Variants in CECR2 observed in about 807,000 individuals in gnomAD.
The protein encoded by CECR2 is CECR2 histone acetyl-lysine reader, also known as chromatin remodeling regulator CECR2.
Under a neutral mutation model 154.5 loss-of-function variants are expected in CECR2, and 30 were observed. The observed-to-expected ratio is 0.19, with a 90% confidence interval of 0.15 to 0.26. The LOEUF is 0.26. Among genes scored for constraint, CECR2 ranks in the 10% least tolerant of loss-of-function variants. The pLI, the probability that CECR2 is intolerant of heterozygous loss-of-function variation, is 1.00. For missense variants in CECR2, 1,743 were observed against 1,829.3 expected (o/e 0.95, Z 0.86); for synonymous variants, 725 against 683.7 (o/e 1.06, Z -0.94).
chr22:17,402,202 T>G (rs939651689), intron 1 of CECR2, among the ~76,000 whole-genome samples: 1 of 152,002 alleles, frequency 6.6e-6, no homozygotes, highest in Non-Finnish European at 1.5e-5. Flanking sequence ...CCAGGCTGGT[T>G]TCGAACTCCC....
At chr22:17,400,732 G>C (rs1375360238) in intron 1 of CECR2, among the ~76,000 whole-genome samples, 1 of 152,108 alleles carries the variant, frequency 6.6e-6, no homozygotes, top group Non-Finnish European at 1.5e-5. Flanking sequence ...TGTATAGTTT[G>C]TTGGCAGGAT....
chr22:17,505,099 A>G (rs1374651198), intron 7 of CECR2, 83 bp downstream of exon 7: 8 of 1,332,220 alleles, frequency 6.0e-6, no homozygotes, highest in Middle Eastern at 2.0e-4. Flanking sequence ...GACCTTCCCC[A>G]TACACCCCAC....
chr22:17,362,303 G>A (rs554381033), intron 1 of CECR2, among the ~76,000 whole-genome samples: 4 of 152,128 alleles, frequency 2.6e-5, no homozygotes, highest in East Asian at 3.9e-4. Context: ...CTCGGCCTCC[G>A]AAAGTGCTAG....
chr22:17,374,429 A>C (rs949274981), intron 1 of CECR2, among the ~76,000 whole-genome samples: 1 of 152,218 alleles, frequency 6.6e-6, no homozygotes, highest in African/African-American at 2.4e-5. Flanking sequence ...TACATCCATC[A>C]TATCAGTGGT....
chr22:17,509,994 T>C (rs1429242328), intron 7 of CECR2, among the ~76,000 whole-genome samples: 1 of 152,214 alleles, frequency 6.6e-6, no homozygotes, highest in Non-Finnish European at 1.5e-5. Context: ...TTTTGTTTGT[T>C]TAAATAAAAG....
At chr22:17,519,400 C>T (rs1293874584) in intron 8 of CECR2, among the ~76,000 whole-genome samples, 1 of 151,270 alleles carries the variant, frequency 6.6e-6, no homozygotes, top group African/African-American at 2.4e-5. Flanking sequence ...GCTGGGACTA[C>T]AGGCGCCCGC....
chr22:17,394,627 AT>A (rs1359572953), intron 1 of CECR2, among the ~76,000 whole-genome samples: 2 of 151,964 alleles, frequency 1.3e-5, no homozygotes, highest in Non-Finnish European at 2.9e-5. Flanking sequence ...TTTCAGGATT[AT>A]TTTGGCTGTT....
chr22:17,506,423 G>GCT (rs2055846122), intron 7 of CECR2, among the ~76,000 whole-genome samples: 1 of 152,122 alleles, frequency 6.6e-6, no homozygotes. Flanking sequence ...CACCACACCT[G>GCT]GCCCCCTCTC....
At chr22:17,361,764 G>A (rs2146419623) in intron 1 of CECR2, among the ~76,000 whole-genome samples, 1 of 151,590 alleles carries the variant, frequency 6.6e-6, no homozygotes, top group East Asian at 1.9e-4. Context: ...AAAAAAAAGA[G>A]AGAGAGAGTG....
intron 2 of CECR2, among the ~76,000 whole-genome samples, chr22:17,480,663 A>G (rs1335665149): frequency 6.6e-6 from 1 of 152,178 alleles, no homozygotes; most frequent in Non-Finnish European, 1.5e-5. Context: ...CTTTGATCTC[A>G]TTCTAAAGAA....
intron 1 of CECR2, among the ~76,000 whole-genome samples, chr22:17,422,193 T>TGTTTTG (rs1382236049): frequency 6.6e-6 from 1 of 152,134 alleles, no homozygotes; most frequent in Non-Finnish European, 1.5e-5. Flanking sequence ...AGAGTAGTTT[T>TGTTTTG]GTTTTGTTTT....
At chr22:17,516,455 G>A (rs945091548) in intron 8 of CECR2, among the ~76,000 whole-genome samples, 21 of 152,130 alleles carry the variant, frequency 1.4e-4, no homozygotes, top group Non-Finnish European at 2.9e-4. Flanking sequence ...ATATGGTTTG[G>A]CTCTGTGTCC....
In CECR2 at chr22:17,555,669, A is replaced by C. The variant is rs1193079406; in HGVS notation, c.*2829A>C. The C allele has an allele frequency of 6.6e-6, 1 of 152,186 alleles. No homozygotes were observed. Among genetic ancestry groups the C allele is most frequent in the Non-Finnish European group, 1.5e-5 (1 of 68,036 alleles). 9.4% of individuals were successfully genotyped at this position (152,186 alleles called of 1,614,324 possible). A position where few individuals can be genotyped will look rare whatever the true frequency, so the allele number is the denominator to read the frequency against. ...TGCAAATGCATTTGCCATCTTCTCC[A>C]TTAGGAAAATGATGGTTATGTGATA... On this transcript the variant is annotated 3_prime_UTR_variant, in exon 19 of 19. Coordinates refer to ENST00000262608, the MANE Select transcript of CECR2 (RefSeq NM_001290047.2).
In CECR2 at chr22:17,510,676, A is replaced by C. The variant is rs556036293; in HGVS notation, c.871-1137A>C. Among the ~76,000 whole-genome samples, 8 of 152,174 alleles carry C rather than the reference A, an allele frequency of 5.3e-5. No homozygotes were observed. In the East Asian group the frequency reaches 1.2e-3, roughly 22 times the overall value. ...GAGTGCAGTGGCATGATGTCGGCTC[A>C]CTGCAAGCTCCGCCTGCCAGGTTCA... On this transcript the variant is annotated intron_variant, in intron 7 of 18. Coordinates refer to ENST00000262608, the MANE Select transcript of CECR2 (RefSeq NM_001290047.2).
intron 1 of CECR2, among the ~76,000 whole-genome samples, chr22:17,382,795 T>C (rs2146478992): frequency 6.6e-6 from 1 of 151,998 alleles, no homozygotes; most frequent in South Asian, 2.1e-4. Context: ...GTCCCAGCTA[T>C]ATGGGAGGCT....
intron 1 of CECR2, among the ~76,000 whole-genome samples, chr22:17,463,467 G>A (rs1266432797): frequency 6.6e-6 from 1 of 152,180 alleles, no homozygotes; most frequent in East Asian, 1.9e-4. Context: ...TGGAGATGGT[G>A]TGAGAAGAGA....
chr22:17,515,067 A>AT (rs895747153), intron 8 of CECR2, among the ~76,000 whole-genome samples: 156 of 150,556 alleles, frequency 1.0e-3, no homozygotes, highest in African/African-American at 3.1e-3. Context: ...CACAACATAG[A>AT]TTTTTTTTTT....
At chr22:17,451,898 T>C (rs2054777164) in intron 1 of CECR2, among the ~76,000 whole-genome samples, 1 of 152,054 alleles carries the variant, frequency 6.6e-6, no homozygotes, top group African/African-American at 2.4e-5. Context: ...CTCAAAATAA[T>C]GGGAGTTTTA....
intron 1 of CECR2, among the ~76,000 whole-genome samples, chr22:17,374,081 T>C (rs2063090307): frequency 6.6e-6 from 1 of 152,198 alleles, no homozygotes; most frequent in Admixed American, 6.5e-5. Flanking sequence ...TGGGGCTGCA[T>C]TGGTGTCTGT....
Sources: gnomAD v4.1 joint callset for allele counts (sites outside exome capture counted in the v4.1 genomes callset) on GRCh38, gnomAD v4.1.1 for gene constraint, MANE v1.5 for transcripts, NCBI Gene and HGNC (gene_info 2026-07-23, HGNC 2026-07-21) for gene names.